Variants in NPAS3 observed in about 807,000 individuals in gnomAD.
NPAS3 encodes the protein neuronal PAS domain protein 3.
A neutral mutation model predicts 73.1 loss-of-function variants in NPAS3; 14 were observed. The observed-to-expected ratio is 0.19, with a 90% CI of 0.13 to 0.30. The LOEUF (loss-of-function observed/expected upper bound fraction) is 0.30. NPAS3 is among the 10% of genes least tolerant of loss of function. NPAS3 has a pLI of 1.00. For missense variants in NPAS3, 1,096 were observed against 1,250.0 expected (o/e 0.88, Z 1.86); for synonymous variants, 620 against 541.5 (o/e 1.14, Z -2.01).
intron 1 of NPAS3, among the ~76,000 whole-genome samples, chr14:33,001,685 A>G (rs2038812379): frequency 6.6e-6 from 1 of 151,920 alleles, no homozygotes; most frequent in Non-Finnish European, 1.5e-5. Flanking sequence ...TTCTTCTTCC[A>G]TCTGCACACA....
intron 4 of NPAS3, among the ~76,000 whole-genome samples, chr14:33,527,563 T>G (rs1187377636): frequency 6.6e-6 from 1 of 152,124 alleles, no homozygotes; most frequent in Non-Finnish European, 1.5e-5. Flanking sequence ...GCACACCCGT[T>G]ATGAGTTACT....
rs182352162 is a variant in NPAS3, at chr14:33,232,790, G to A, written c.385+17364G>A. On this transcript the variant is annotated intron_variant, in intron 3 of 11. Coordinates refer to ENST00000356141, the Ensembl canonical transcript of NPAS3. ...AATTGCAGAGCAAAATTGTCGAACA[G>A]TAGTAACATTTTAAATAATGATTAA... 4.6e-5 allele frequency among the ~76,000 whole-genome samples: 7 copies of A among 152,312 alleles called. No homozygotes were observed. In the East Asian group the frequency reaches 1.3e-3, roughly 29 times the overall value.
intron 5 of NPAS3, among the ~76,000 whole-genome samples, chr14:33,648,730 G>GTCGTTTTTT (rs2058906073): frequency 6.6e-6 from 1 of 152,204 alleles, no homozygotes; most frequent in Non-Finnish European, 1.5e-5. Flanking sequence ...CTGGGTATGG[G>GTCGTTTTTT]AAGACAGCCT....
chr14:33,528,466 A>G (rs1294615704), intron 4 of NPAS3, among the ~76,000 whole-genome samples: 1 of 151,976 alleles, frequency 6.6e-6, no homozygotes, highest in Non-Finnish European at 1.5e-5. Context: ...GCAACAATAG[A>G]CTATGATCAA....
intron 5 of NPAS3, among the ~76,000 whole-genome samples, chr14:33,665,548 T>G (rs1188088138): frequency 2.0e-5 from 3 of 152,206 alleles, no homozygotes; most frequent in African/African-American, 7.2e-5. Flanking sequence ...GATAAATGCT[T>G]GAGGGAATTG....
At chr14:33,123,615 CAG>C (rs2043314586) in intron 2 of NPAS3, among the ~76,000 whole-genome samples, 2 of 151,880 alleles carry the variant, frequency 1.3e-5, no homozygotes, top group African/African-American at 4.8e-5. Context: ...GGAGGAGAAG[CAG>C]AGTTATATGT....
chr14:33,629,234 CAAAAA>C (rs372236952), intron 5 of NPAS3, among the ~76,000 whole-genome samples: 1 of 81,060 alleles, frequency 1.2e-5, no homozygotes. Flanking sequence ...GACTCCATCT[CAAAAA>C]AAAAAAAAAA....
chr14:33,373,386 ATGTGTGTGTG>A (rs5807721), intron 4 of NPAS3, among the ~76,000 whole-genome samples: 176 of 147,248 alleles, frequency 1.2e-3, no homozygotes, highest in African/African-American at 3.3e-3. Flanking sequence ...ATTGAACTAT[ATGTGTGTGTG>A]TGTGTGTGTG....
chr14:33,640,534 CTT>C (rs1303596738), intron 5 of NPAS3, among the ~76,000 whole-genome samples: 3 of 152,142 alleles, frequency 2.0e-5, no homozygotes, highest in East Asian at 3.9e-4. Context: ...AGAAAAAAAA[CTT>C]ATAAAAATAT....
Position 33,369,404 on chromosome 14 carries a change from C to CAAAAAAAAAAAAAAAAAAAAAAAAAAAAA in NPAS3, c.468+2159_468+2160insAAAAAAAAAAAAAAAAAAAAAAAAAAAAA, listed in dbSNP as rs3058296. On this transcript the variant is annotated intron_variant, in intron 4 of 11. Transcript: ENST00000356141. ...TCTATTTATTTGAAGGCCTCATTTCCAAAAAAAAAAAAAAAAAAAAAAAGG... is the reference window on the plus strand; with the variant it reads ...TCTATTTATTTGAAGGCCTCATTTCCAAAAAAAAAAAAAAAAAAAAAAAAAAAAAAAAAAAAAAAAAAAAAAAAAAAAGG... 3.3e-5 allele frequency among the ~76,000 whole-genome samples: 3 copies of CAAAAAAAAAAAAAAAAAAAAAAAAAAAAA among 90,890 alleles called. 1 individual carries two copies. The highest frequency in any genetic ancestry group is 6.6e-5 in the Non-Finnish European group (3 of 45,592). 59.6% of individuals were successfully genotyped at this position (90,890 alleles called of 152,430 possible).
chr14:33,082,318 T>TA (rs2041885738), intron 2 of NPAS3, among the ~76,000 whole-genome samples: 2 of 152,144 alleles, frequency 1.3e-5, no homozygotes, highest in African/African-American at 2.4e-5. Flanking sequence ...GGAGTTACCT[T>TA]AAAAAAAGGT....
At chr14:33,446,117 T>G (rs1190569255) in intron 4 of NPAS3, among the ~76,000 whole-genome samples, 1 of 151,872 alleles carries the variant, frequency 6.6e-6, no homozygotes, top group Admixed American at 6.5e-5. Context: ...TCTTCCAGTT[T>G]TCATCTTGGA....
chr14:33,313,318 T>C (rs944880583), intron 3 of NPAS3, among the ~76,000 whole-genome samples: 3 of 152,118 alleles, frequency 2.0e-5, no homozygotes, highest in African/African-American at 7.2e-5. Flanking sequence ...ATTCAAGTTC[T>C]GACACACTGA....
chr14:33,507,933 A>AT (rs752663254), intron 4 of NPAS3, among the ~76,000 whole-genome samples: 30 of 151,694 alleles, frequency 2.0e-4, no homozygotes, highest in Non-Finnish European at 3.1e-4. Context: ...TGTCTCTGTC[A>AT]TTTTTTTAAG....
At chr14:33,439,120 A>C (rs2049120515) in intron 4 of NPAS3, among the ~76,000 whole-genome samples, 1 of 152,088 alleles carries the variant, frequency 6.6e-6, no homozygotes, top group Non-Finnish European at 1.5e-5. Flanking sequence ...AATCCAAAGC[A>C]TTTTGCAGAA....
Position 33,335,068 on chromosome 14 carries a change from G to GTGTGTGTGTGTGTGTA in NPAS3, c.386-32115_386-32114insGTGTGTGTGTGTATGT, listed in dbSNP as rs1366925163. Among the ~76,000 whole-genome samples the GTGTGTGTGTGTGTGTA allele has an allele frequency of 2.9e-3, 440 of 150,984 alleles. 2 individuals carry two copies. The highest frequency in any genetic ancestry group is 0.01 in the African/African-American group (413 of 40,754). Reference sequence around the variant, plus strand: ...CGTGTGTGTGTGTGTGTGTGTGTGTGTGTATCACATTTTCTTTATCCTATT... The same window carrying GTGTGTGTGTGTGTGTA: ...CGTGTGTGTGTGTGTGTGTGTGTGTGTGTGTGTGTGTGTGTATGTATCACATTTTCTTTATCCTATT... On this transcript the variant is annotated intron_variant, in intron 3 of 11. Coordinates refer to ENST00000356141, the Ensembl canonical transcript of NPAS3.
chr14:33,162,009 G>A (rs920616784), intron 2 of NPAS3, among the ~76,000 whole-genome samples: 2 of 152,206 alleles, frequency 1.3e-5, no homozygotes, highest in Admixed American at 6.5e-5. Flanking sequence ...CTCCAGGGAT[G>A]GGGCATAGAG....
chr14:33,187,836 G>A (rs982127006), intron 2 of NPAS3, among the ~76,000 whole-genome samples: 17 of 151,594 alleles, frequency 1.1e-4, no homozygotes, highest in Admixed American at 5.9e-4. Flanking sequence ...TAATCATCAC[G>A]GCAACTATAT....
At chr14:33,396,724 A>T (rs572943541) in intron 4 of NPAS3, among the ~76,000 whole-genome samples, 1 of 152,264 alleles carries the variant, frequency 6.6e-6, no homozygotes, top group Non-Finnish European at 1.5e-5. Context: ...GATACAGTTG[A>T]AAGGATTTCA....
Sources: allele counts gnomAD v4.1 joint callset (sites outside exome capture counted in the v4.1 genomes callset), GRCh38; gene constraint gnomAD v4.1.1; transcripts MANE v1.5; gene names NCBI Gene and HGNC (gene_info 2026-07-23, HGNC 2026-07-21).